Variants in INTS6L observed in about 807,000 individuals in gnomAD.
INTS6L encodes the protein integrator complex subunit 6 like.
In INTS6L, 18 loss-of-function variants were observed where a neutral mutation model predicts 64.7. The observed-to-expected ratio is 0.28, with a 90% CI of 0.19 to 0.41. The LOEUF (loss-of-function observed/expected upper bound fraction) is 0.41. Ranked by LOEUF, INTS6L falls within the 10% of genes least tolerant of loss-of-function variation. INTS6L has a pLI of 1.00. For synonymous variants in INTS6L, 227 were observed against 235.9 expected, an observed-to-expected ratio of 0.96 and a Z score of 0.34; for missense variants, 533 against 661.0, an observed-to-expected ratio of 0.81 and a Z score of 2.12.
At chrX:135,550,134 A>G (rs1463914634) in intron 7 of INTS6L, among the ~76,000 whole-genome samples, 1 of 112,440 alleles carries the variant, frequency 8.9e-6, no homozygotes, top group Non-Finnish European at 1.9e-5. Context: ...TACGTGGCAA[A>G]CACAACGTCT....
intron 2 of INTS6L, among the ~76,000 whole-genome samples, chrX:135,526,177 C>T (rs1404386570): frequency 9.0e-6 from 1 of 111,664 alleles, no homozygotes; most frequent in Admixed American, 9.5e-5. Flanking sequence ...AGCAGCCACT[C>T]AGTTGTTCTC....
intron 7 of INTS6L, 34 bp from the exon 8 acceptor site, chrX:135,551,960 A>G (rs1556517114): frequency 9.2e-7 from 1 of 1,085,062 alleles, no homozygotes; most frequent in Non-Finnish European, 1.2e-6. Flanking sequence ...AGACCTAACC[A>G]TTTTTTCTGC....
chrX:135,573,090 C>A, intron 12 of INTS6L, 57 bp downstream of exon 12: 1 of 984,162 alleles, frequency 1.0e-6, no homozygotes, highest in African/African-American at 1.9e-5. Flanking sequence ...ACATTTATGT[C>A]TTTCATATTC....
At chrX:135,531,500 T>C (rs2085909425) in intron 2 of INTS6L, among the ~76,000 whole-genome samples, 1 of 112,107 alleles carries the variant, frequency 8.9e-6, no homozygotes, top group Admixed American at 9.5e-5. Context: ...CCTTCCATCT[T>C]CTCTGGCTTA....
chrX:135,535,485 C>A (rs1244108877), intron 2 of INTS6L, among the ~76,000 whole-genome samples: 1 of 111,945 alleles, frequency 8.9e-6, no homozygotes, highest in African/African-American at 3.3e-5. Context: ...TTTGTCTCCT[C>A]GGGAGACAGA....
chrX:135,551,307 A>G (rs782719411), intron 7 of INTS6L, among the ~76,000 whole-genome samples: 1 of 111,633 alleles, frequency 9.0e-6, no homozygotes, highest in African/African-American at 3.3e-5. Context: ...CACACAAGCT[A>G]AACCTGTTAC....
intron 9 of INTS6L, among the ~76,000 whole-genome samples, chrX:135,560,504 A>G (rs1184464811): frequency 8.9e-6 from 1 of 112,242 alleles, no homozygotes; most frequent in Non-Finnish European, 1.9e-5. Context: ...TGCACTATTC[A>G]TTCTTACATT....
At chrX:135,550,858 T>C (rs2086485779) in intron 7 of INTS6L, among the ~76,000 whole-genome samples, 1 of 111,938 alleles carries the variant, frequency 8.9e-6, no homozygotes, top group South Asian at 3.8e-4. Flanking sequence ...ACAGGCTTTA[T>C]GGCAAATTTA....
chrX:135,529,367 C>A (rs374930133), intron 2 of INTS6L, among the ~76,000 whole-genome samples: 1 of 111,521 alleles, frequency 9.0e-6, no homozygotes, highest in Non-Finnish European at 1.9e-5. Flanking sequence ...TGTTCCCCAG[C>A]GGAGCCCTTG....
rs35845600 is a variant in INTS6L, at chrX:135,554,883, C to CTTTTTT, written c.1060-1265_1060-1260dup. ...CTGAATGTTTACTCTACCAGCATAACTTTTTTTTTTTTTTTTTTTTTTTTT... is the reference window on the plus strand; with the variant it reads ...CTGAATGTTTACTCTACCAGCATAACTTTTTTTTTTTTTTTTTTTTTTTTTTTTTTT... On this transcript the variant is annotated intron_variant, in intron 8 of 17. Transcript: ENST00000639893. Among the ~76,000 whole-genome samples the CTTTTTT allele has an allele frequency of 3.7e-3, 186 of 50,468 alleles. 25 individuals are homozygous for CTTTTTT. The highest frequency in any genetic ancestry group is 4.7e-3 in the South Asian group (2 of 423). The allele number at this position is 50,468 out of a possible 115,157, so 43.8% of individuals were successfully genotyped here.
chrX:135,566,536 TTTTTATTAATACCAGA>T (rs1279664649), intron 9 of INTS6L, among the ~76,000 whole-genome samples: 1 of 111,929 alleles, frequency 8.9e-6, no homozygotes, highest in Non-Finnish European at 1.9e-5. Context: ...CCTTGTTTTC[TTTTTATTAATACCAGA>T]TTTCAATCAA....
At chrX:135,565,372 A>C (rs1304332051) in intron 9 of INTS6L, among the ~76,000 whole-genome samples, 1 of 111,933 alleles carries the variant, frequency 8.9e-6, no homozygotes, top group Non-Finnish European at 1.9e-5. Flanking sequence ...TAGTGTGATC[A>C]AGCATTCAGT....
At chrX:135,575,293 G>A in intron 14 of INTS6L, 67 bp downstream of exon 14, 2 of 1,113,537 alleles carry the variant, frequency 1.8e-6, no homozygotes, top group Non-Finnish European at 2.4e-6. Flanking sequence ...TTTCTTTTTG[G>A]CAAGATAAAT....
At chrX:135,557,421 C>T (rs181189039) in intron 9 of INTS6L, among the ~76,000 whole-genome samples, 7 of 111,295 alleles carry the variant, frequency 6.3e-5, no homozygotes, top group African/African-American at 2.0e-4. Context: ...TTATGCTTGA[C>T]GTACAAAAAG....
At chrX:135,574,949 G>T in intron 13 of INTS6L, 135 bp from the exon 14 acceptor site, 1 of 607,807 alleles carries the variant, frequency 1.6e-6, no homozygotes, top group South Asian at 3.1e-5. Context: ...CTAGATCCTA[G>T]AATGCTAGAT....
intron 11 of INTS6L, chrX:135,571,828 AC>A (rs2148668315): frequency 9.0e-6 from 1 of 111,644 alleles, no homozygotes; most frequent in East Asian, 2.8e-4. Flanking sequence ...AAGTTCTGGG[AC>A]CTTTTGGGGC....
intron 6 of INTS6L, among the ~76,000 whole-genome samples, chrX:135,547,742 G>A (rs1040130168): frequency 1.8e-5 from 2 of 111,582 alleles, no homozygotes; most frequent in African/African-American, 6.5e-5. Flanking sequence ...GTATTTTCCC[G>A]GTCACTTTTT....
Position 135,574,034 on chromosome X carries a change from G to A in INTS6L, c.1713G>A (p.Thr571=), listed in dbSNP as rs1454618213. 2.2e-5 allele frequency: 26 copies of A among 1,196,733 alleles called. No individual in the cohort carries two copies. Among genetic ancestry groups the A allele is most frequent in the Non-Finnish European group, 2.8e-5 (25 of 890,842 alleles). ...GAATGAGATCCAATCTGCTGAAAACGCACAAGTTTATTGTTGGACAAGATG... is the reference window on the plus strand; with the variant it reads ...GAATGAGATCCAATCTGCTGAAAACACACAAGTTTATTGTTGGACAAGATG... The part of the protein sequence containing the change: ...LTRMRSNLLK[T]HKFIVGQDED... The change falls in exon 13 of 18, where the codon ACG becomes ACA. Residue 571 remains threonine, a synonymous_variant. Transcript: ENST00000639893.
At chrX:135,565,038 T>C (rs782080697) in intron 9 of INTS6L, among the ~76,000 whole-genome samples, 3 of 111,511 alleles carry the variant, frequency 2.7e-5, no homozygotes, top group South Asian at 3.8e-4. Flanking sequence ...CTGGAAGAGA[T>C]AGGAATGCTT....
Sources: gnomAD v4.1 joint callset for allele counts (sites outside exome capture counted in the v4.1 genomes callset) on GRCh38, gnomAD v4.1.1 for gene constraint, MANE v1.5 for transcripts, NCBI Gene and HGNC (gene_info 2026-07-23, HGNC 2026-07-21) for gene names.